ADARB2: variants seen among roughly 807,000 people sequenced by gnomAD.
ADARB2 encodes inactive double-stranded RNA-specific editase B2.
Under a neutral mutation model 62.2 loss-of-function variants are expected in ADARB2, and 25 were observed. The ratio of observed to expected loss-of-function variants is 0.40; its 90% CI spans 0.29 to 0.56. The LOEUF (loss-of-function observed/expected upper bound fraction) is 0.56. Among genes scored for constraint, ADARB2 ranks in the 20% least tolerant of loss-of-function variants. ADARB2 has a pLI of 0.43. For synonymous variants in ADARB2, 572 were observed against 500.8 expected, an observed-to-expected ratio of 1.14 and a Z score of -1.90; for missense variants, 1,071 against 1,077.4, an observed-to-expected ratio of 0.99 and a Z score of 0.08.
intron 1 of ADARB2, among the ~76,000 whole-genome samples, chr10:1,703,157 A>G (rs1834844402): frequency 6.6e-6 from 1 of 152,200 alleles, no homozygotes; most frequent in Non-Finnish European, 1.5e-5. Context: ...TTCTCCAGAT[A>G]CAGCAATTAA....
In ADARB2 at chr10:1,417,444, C is replaced by T. The variant is rs890865700; in HGVS notation, c.101-38284G>A. Among the ~76,000 whole-genome samples the T allele has an allele frequency of 3.0e-4, 45 of 152,036 alleles. 1 individual carries two copies. The highest frequency in any genetic ancestry group is 4.4e-5 in the Non-Finnish European group (3 of 68,006). Reference sequence around the variant, plus strand: ...ATTTCTAAGGCACTCTGCTAATTGCCCTGCATTAATTATCTTACTGACTCA... The same window carrying T: ...ATTTCTAAGGCACTCTGCTAATTGCTCTGCATTAATTATCTTACTGACTCA... On this transcript the variant is annotated intron_variant, in intron 1 of 9. Coordinates refer to ENST00000381312, the MANE Select transcript of ADARB2 (RefSeq NM_018702.4).
intron 1 of ADARB2, among the ~76,000 whole-genome samples, chr10:1,443,421 ATAT>A (rs1294988446): frequency 1.3e-5 from 2 of 152,136 alleles, no homozygotes; most frequent in African/African-American, 4.8e-5. Context: ...CATTTGTTAA[ATAT>A]TATACAGTTT....
chr10:1,343,917 G>A (rs1420660975), intron 3 of ADARB2, among the ~76,000 whole-genome samples: 2 of 152,074 alleles, frequency 1.3e-5, no homozygotes, highest in South Asian at 2.1e-4. Flanking sequence ...TCCACCTCTC[G>A]GGCACTGTGC....
intron 1 of ADARB2, among the ~76,000 whole-genome samples, chr10:1,501,623 G>A (rs1831769365): frequency 6.6e-6 from 1 of 152,154 alleles, no homozygotes; most frequent in Non-Finnish European, 1.5e-5. Context: ...TTAGCAGAAA[G>A]CAATTCCACA....
intron 4 of ADARB2, among the ~76,000 whole-genome samples, chr10:1,263,942 C>G (rs1831168748): frequency 6.6e-6 from 1 of 152,226 alleles, no homozygotes; most frequent in African/African-American, 2.4e-5. Flanking sequence ...AGCATTCACA[C>G]TACGCAAGGG....
At chr10:1,328,150 A>T (rs1037029260) in intron 3 of ADARB2, among the ~76,000 whole-genome samples, 9 of 152,248 alleles carry the variant, frequency 5.9e-5, no homozygotes, top group African/African-American at 1.9e-4. Flanking sequence ...GGCTCCGGAA[A>T]TGTTGAAATA....
At chr10:1,295,471 C>T (rs1173058341) in intron 3 of ADARB2, among the ~76,000 whole-genome samples, 2 of 152,118 alleles carry the variant, frequency 1.3e-5, no homozygotes, top group East Asian at 1.9e-4. Flanking sequence ...ATGTTGGGGA[C>T]AACATCAGAG....
intron 1 of ADARB2, among the ~76,000 whole-genome samples, chr10:1,496,540 A>G (rs1831694877): frequency 6.6e-6 from 1 of 151,934 alleles, no homozygotes; most frequent in African/African-American, 2.4e-5. Flanking sequence ...CTTCATTGCT[A>G]TCATCATCAT....
chr10:1,572,665 A>T (rs1832957460), intron 1 of ADARB2, among the ~76,000 whole-genome samples: 1 of 152,196 alleles, frequency 6.6e-6, no homozygotes, highest in Non-Finnish European at 1.5e-5. Context: ...TAAATAGTAG[A>T]TAAAGAAGAA....
chr10:1,292,959 AGAGAGG>A (rs1831480697), intron 3 of ADARB2: 1 of 21,106 alleles, frequency 4.7e-5, no homozygotes, highest in African/African-American at 1.0e-4. Context: ...AGGGAAGGAG[AGAGAGG>A]GAGAGGGAGG....
intron 3 of ADARB2, among the ~76,000 whole-genome samples, chr10:1,353,303 C>T (rs1832162306): frequency 6.6e-6 from 1 of 152,198 alleles, no homozygotes; most frequent in Admixed American, 6.5e-5. Flanking sequence ...ACACTATCAA[C>T]CTTACCCATT....
At chr10:1,637,523 G>A (rs1833930580) in intron 1 of ADARB2, among the ~76,000 whole-genome samples, 2 of 152,136 alleles carry the variant, frequency 1.3e-5, no homozygotes. Flanking sequence ...AGGGTGTTGA[G>A]GTTTTCAAAT....
intron 1 of ADARB2, among the ~76,000 whole-genome samples, chr10:1,531,997 G>A (rs75735700): frequency 6.6e-6 from 1 of 152,170 alleles, no homozygotes; most frequent in Non-Finnish European, 1.5e-5. Flanking sequence ...ATCCGGTATT[G>A]TAGGCTGCAA....
chr10:1,609,748 A>G lies in ADARB2; in HGVS notation c.100+127303T>C, dbSNP rs1350154258. Among the ~76,000 whole-genome samples the G allele has an allele frequency of 2.0e-5, 3 of 152,318 alleles. No homozygotes were observed. In the East Asian group the frequency reaches 5.8e-4, roughly 29 times the overall value. On this transcript the variant is annotated intron_variant, in intron 1 of 9. Coordinates refer to ENST00000381312, the MANE Select transcript of ADARB2 (RefSeq NM_018702.4). ...GGCTTTAACCCACACACTGGGCTCT[A>G]CTGGGCCCGGGTGAGCTGTGTGGCT...
At chr10:1,523,013 T>C (rs1239034751) in intron 1 of ADARB2, among the ~76,000 whole-genome samples, 1 of 152,172 alleles carries the variant, frequency 6.6e-6, no homozygotes, top group Admixed American at 6.5e-5. Flanking sequence ...GTTATCTCCT[T>C]ACACCCAGCA....
chr10:1,464,468 C>T (rs1831223423), intron 1 of ADARB2, among the ~76,000 whole-genome samples: 1 of 102,914 alleles, frequency 9.7e-6, no homozygotes, highest in African/African-American at 3.5e-5. Flanking sequence ...TGGACACACA[C>T]TCCCCCACAC....
intron 1 of ADARB2, among the ~76,000 whole-genome samples, chr10:1,403,478 A>G (rs774572972): frequency 6.6e-6 from 1 of 152,104 alleles, no homozygotes. Context: ...GGCTTTTGCT[A>G]CTTTTGTCAG....
chr10:1,626,475 G>C (rs1404532928), intron 1 of ADARB2, among the ~76,000 whole-genome samples: 1 of 152,122 alleles, frequency 6.6e-6, no homozygotes, highest in Non-Finnish European at 1.5e-5. Context: ...CTTGAACTCC[G>C]GGGCTTCCTC....
At chr10:1,364,926 G>C (rs1564270164) in intron 2 of ADARB2, among the ~76,000 whole-genome samples, 1 of 150,354 alleles carries the variant, frequency 6.7e-6, no homozygotes, top group African/African-American at 2.5e-5. Flanking sequence ...AGGCTGGAGG[G>C]CAGTGGCGCG....
Sources: gnomAD v4.1 joint callset for allele counts (sites outside exome capture counted in the v4.1 genomes callset) on GRCh38, gnomAD v4.1.1 for gene constraint, MANE v1.5 for transcripts, NCBI Gene and HGNC (gene_info 2026-07-23, HGNC 2026-07-21) for gene names.